Variants in AGBL1 observed in about 807,000 individuals in gnomAD.
AGBL1 encodes the protein AGBL carboxypeptidase 1.
Under a neutral mutation model 118.9 loss-of-function variants are expected in AGBL1, and 130 were observed. The ratio of observed to expected loss-of-function variants is 1.09; its 90% confidence interval spans 0.95 to 1.26. The LOEUF is 1.26. Among genes scored for constraint, AGBL1 ranks in the 50% most tolerant of loss-of-function variants. AGBL1 has a pLI of 0.00. For synonymous variants in AGBL1, 555 were observed against 478.9 expected, an observed-to-expected ratio of 1.16 and a Z score of -2.08; for missense variants, 1,584 against 1,298.1, an observed-to-expected ratio of 1.22 and a Z score of -3.38.
intron 17 of AGBL1, 27 bp from the exon 18 acceptor site, chr15:86,397,339 A>G (rs1328363684): frequency 7.0e-7 from 1 of 1,436,194 alleles, no homozygotes; most frequent in Non-Finnish European, 9.3e-7. Context: ...ATTTGGGTTT[A>G]ATTTTCTTAT....
chr15:87,028,942 G>T, exon 25 of AGBL1: 2 of 1,340,682 alleles, frequency 1.5e-6, no homozygotes, highest in Non-Finnish European at 2.1e-6. Flanking sequence ...TGTTGTACAT[G>T]TCTTATGGAA....
At chr15:86,261,091 A>G (rs2078975181) in intron 9 of AGBL1, among the ~76,000 whole-genome samples, 1 of 152,198 alleles carries the variant, frequency 6.6e-6, no homozygotes, top group Admixed American at 6.5e-5. Flanking sequence ...TGACAAAAAC[A>G]ACCAGTGGGC....
At chr15:86,786,245 A>AT (rs2078411059) in intron 22 of AGBL1, among the ~76,000 whole-genome samples, 1 of 152,032 alleles carries the variant, frequency 6.6e-6, no homozygotes, top group African/African-American at 2.4e-5. Flanking sequence ...TCCTAAAGCT[A>AT]TCCCTCCCCC....
At chr15:86,123,811 G>A (rs1041455355) in intron 1 of AGBL1, among the ~76,000 whole-genome samples, 1 of 152,104 alleles carries the variant, frequency 6.6e-6, no homozygotes, top group Non-Finnish European at 1.5e-5. Context: ...GCTATGTCAT[G>A]GGCCACTGTT....
At chr15:86,458,570 A>G (rs1264811006) in intron 18 of AGBL1, among the ~76,000 whole-genome samples, 2 of 152,174 alleles carry the variant, frequency 1.3e-5, no homozygotes, top group East Asian at 3.9e-4. Context: ...CACTAACACC[A>G]TTTGTCACTG....
intron 4 of AGBL1, among the ~76,000 whole-genome samples, chr15:86,155,698 G>A (rs932140322): frequency 2.6e-5 from 4 of 152,000 alleles, no homozygotes; most frequent in Non-Finnish European, 4.4e-5. Context: ...GGGAAAGAAC[G>A]TGGGCTTAGA....
intron 23 of AGBL1, among the ~76,000 whole-genome samples, chr15:86,957,946 A>G (rs2080947966): frequency 6.6e-6 from 1 of 152,096 alleles, no homozygotes; most frequent in African/African-American, 2.4e-5. Context: ...TCACACCTAT[A>G]ATTCCTGCAC....
At chr15:86,882,876 A>G (rs2079916100) in intron 22 of AGBL1, among the ~76,000 whole-genome samples, 1 of 152,226 alleles carries the variant, frequency 6.6e-6, no homozygotes, top group East Asian at 1.9e-4. Flanking sequence ...TTAAAAACAT[A>G]TTTCCAATGA....
chr15:86,928,830 T>A (rs1432252095), intron 23 of AGBL1, among the ~76,000 whole-genome samples: 1 of 152,070 alleles, frequency 6.6e-6, no homozygotes, highest in Non-Finnish European at 1.5e-5. Flanking sequence ...TTGCTGAATG[T>A]TAATTTAAGC....
intron 18 of AGBL1, among the ~76,000 whole-genome samples, chr15:86,431,200 G>C (rs1408154819): frequency 6.6e-6 from 1 of 152,218 alleles, no homozygotes; most frequent in Non-Finnish European, 1.5e-5. Context: ...GGAGAGATTA[G>C]TGCCTGACTT....
At chr15:86,708,499 A>G (rs535219077) in intron 22 of AGBL1, among the ~76,000 whole-genome samples, 5 of 152,228 alleles carry the variant, frequency 3.3e-5, no homozygotes, top group Admixed American at 2.0e-4. Context: ...ACAAATTGCT[A>G]TTGTTAAAGC....
intron 22 of AGBL1, among the ~76,000 whole-genome samples, chr15:86,799,459 T>A (rs2078620010): frequency 6.6e-6 from 1 of 152,222 alleles, no homozygotes; most frequent in East Asian, 1.9e-4. Flanking sequence ...TGCCAAGAGG[T>A]AACATTCTCT....
chr15:86,169,557 T>C lies in AGBL1; in HGVS notation c.488+10531T>C, dbSNP rs1184350633. On this transcript the variant is annotated intron_variant, in intron 5 of 22. Transcript: ENST00000614907. ...TCTGTGGAGGCCCAAGTCCTTCATA[T>C]AAAATATTGCAATAGTCGCATATAA... Among the ~76,000 whole-genome samples, 4 of 152,218 alleles carry C rather than the reference T, an allele frequency of 2.6e-5. No individual in the cohort carries two copies. The East Asian group carries it at 7.7e-4, about 29-fold the overall frequency.
chr15:86,555,090 G>C (rs1441376228), intron 21 of AGBL1, among the ~76,000 whole-genome samples: 1 of 152,212 alleles, frequency 6.6e-6, no homozygotes, highest in Non-Finnish European at 1.5e-5. Flanking sequence ...AGTGTTGAGA[G>C]AAAGTGCTCT....
intron 17 of AGBL1, among the ~76,000 whole-genome samples, chr15:86,325,894 C>T (rs2141851984): frequency 6.6e-6 from 1 of 152,310 alleles, no homozygotes; most frequent in East Asian, 1.9e-4. Flanking sequence ...AGACCTCCTA[C>T]ACTCAAGCCC....
At chr15:86,901,095 G>A (rs1055134780) in intron 22 of AGBL1, among the ~76,000 whole-genome samples, 26 of 152,018 alleles carry the variant, frequency 1.7e-4, no homozygotes, top group Admixed American at 3.9e-4. Flanking sequence ...TTGAGTCCAG[G>A]TTATAAGAAT....
chr15:86,992,612 C>G (rs2081345415), intron 24 of AGBL1, among the ~76,000 whole-genome samples: 1 of 152,154 alleles, frequency 6.6e-6, no homozygotes, highest in South Asian at 2.1e-4. Context: ...CCTCCCTCAT[C>G]AGGGTGCACC....
chr15:86,883,152 GT>G (rs1277865105), intron 22 of AGBL1, among the ~76,000 whole-genome samples: 2 of 152,092 alleles, frequency 1.3e-5, no homozygotes, highest in Non-Finnish European at 2.9e-5. Flanking sequence ...CATTAATTAT[GT>G]TTTTTAAATT....
chr15:86,198,433 G>C (rs1409042501), intron 5 of AGBL1, among the ~76,000 whole-genome samples: 3 of 152,164 alleles, frequency 2.0e-5, no homozygotes, highest in Admixed American at 2.0e-4. Flanking sequence ...AAGCTGTTGG[G>C]ATGGAGTGGA....
Sources: gnomAD v4.1 joint callset for allele counts (sites outside exome capture counted in the v4.1 genomes callset) on GRCh38, gnomAD v4.1.1 for gene constraint, MANE v1.5 for transcripts, NCBI Gene and HGNC (gene_info 2026-07-23, HGNC 2026-07-21) for gene names.